Variants in SPNS2 observed in about 807,000 individuals in gnomAD.
SPNS2 encodes SPNS lysolipid transporter 2, sphingosine-1-phosphate, also known as sphingosine-1-phosphate transporter SPNS2.
Under a neutral mutation model 57.6 loss-of-function variants are expected in SPNS2, and 37 were observed. That is an observed-to-expected ratio of 0.64 (90% CI 0.49 to 0.85). SPNS2 has a LOEUF of 0.85. SPNS2 is among the 40% of genes least tolerant of loss of function. SPNS2 has a pLI of 0.00. For missense variants in SPNS2, 831 were observed against 779.1 expected, an observed-to-expected ratio of 1.07 and a Z score of -0.79; for synonymous variants, 440 against 346.9, an observed-to-expected ratio of 1.27 and a Z score of -2.98.
At position 4,536,435 on chromosome 17, in the gene SPNS2, G is replaced by GGC. The variant is rs762501131; in HGVS notation, c.1607+10_1607+11insCG. The GGC allele has an allele frequency of 1.4e-5, 22 of 1,592,040 alleles. No homozygotes were observed. Among genetic ancestry groups the GGC allele is most frequent in the South Asian group, 2.2e-5 (2 of 90,536 alleles). On this transcript the variant is annotated intron_variant, in intron 11 of 12. Coordinates refer to ENST00000329078, the MANE Select transcript of SPNS2 (RefSeq NM_001124758.3). The stretch of plus-strand genomic sequence containing the variant: ...GCCAGGGCTGAGCAGCAGTGAGTGG[G>GGC]GGGGAGGGGAGGCCCTGCTGCACCG...
In SPNS2 at chr17:4,511,232, A is replaced by AG. The variant is rs1007904499; in HGVS notation, c.371-2012dup. The stretch of plus-strand genomic sequence containing the variant: ...AAGAGTGGGGGCAACTAACTTATTG[A>AG]GGGTGGTGGGAGGGGAGCAAGCAGG... On this transcript the variant is annotated intron_variant, in intron 1 of 12. Transcript: ENST00000329078. This position sits in a 1 kb window ranked among gnomAD's most constrained non-coding sequence, Gnocchi z 4.6. Among the ~76,000 whole-genome samples the AG allele has an allele frequency of 2.0e-5, 3 of 152,014 alleles. No individual in the cohort carries two copies. The highest frequency in any genetic ancestry group is 7.2e-5 in the African/African-American group (3 of 41,382).
intron 2 of SPNS2, among the ~76,000 whole-genome samples, chr17:4,522,070 A>G (rs1905153157): frequency 6.6e-6 from 1 of 152,238 alleles, no homozygotes; most frequent in South Asian, 2.1e-4. Flanking sequence ...GTGGTGGCAG[A>G]TGCCTATAAT....
chr17:4,513,132 G>A, intron 1 of SPNS2, 115 bp from the exon 2 acceptor site: 2 of 1,144,050 alleles, frequency 1.7e-6, no homozygotes, highest in Non-Finnish European at 2.6e-6. Flanking sequence ...AGCAGAGCAG[G>A]AGTGCCGCAG....
Position 4,536,463 on chromosome 17 carries a change from G to A in SPNS2, c.1607+37G>A, listed in dbSNP as rs186412139. 2.8e-4 allele frequency: 444 copies of A among 1,574,752 alleles called. No homozygotes were observed. In the African/African-American group the frequency reaches 3.6e-3, roughly 13 times the overall value. Reference sequence around the variant, plus strand: ...GGAGGGGAGGCCCTGCTGCACCGCCGGGAAGCAGGGACCGTGATAGCCACC... The same window carrying A: ...GGAGGGGAGGCCCTGCTGCACCGCCAGGAAGCAGGGACCGTGATAGCCACC... On this transcript the variant is annotated intron_variant, in intron 11 of 12. Transcript: ENST00000329078.
At chr17:4,530,855 C>T (rs1345057713) in intron 4 of SPNS2, 72 bp downstream of exon 4, 2 of 1,560,594 alleles carry the variant, frequency 1.3e-6, no homozygotes, top group Non-Finnish European at 1.7e-6. Flanking sequence ...AGTTCTCCCA[C>T]TCCCTGGGGT....
At chr17:4,535,329 GCCTGCCTCA>G (rs1050306755) in intron 9 of SPNS2, among the ~76,000 whole-genome samples, 12 of 152,324 alleles carry the variant, frequency 7.9e-5, no homozygotes, top group African/African-American at 2.4e-4. Flanking sequence ...GCAGGCAGGG[GCCTGCCTCA>G]CCAGCTCCTG....
In SPNS2 at chr17:4,537,797, C is replaced by G. The variant is rs912731965; in HGVS notation, c.*349C>G. ...GTGATCTTGGGCAAGTCCCTGCCCT[C>G]CCTGGAACGAAGGGCCAGGGGGCTG... On this transcript the variant is annotated 3_prime_UTR_variant, in exon 13 of 13. Coordinates refer to ENST00000329078, the MANE Select transcript of SPNS2 (RefSeq NM_001124758.3). 1 of 455,686 alleles carries G rather than the reference C, an allele frequency of 2.2e-6. No homozygotes were observed. The allele number at this position is 455,686 out of a possible 1,614,324, so 28.2% of individuals were successfully genotyped here. A position where few individuals can be genotyped will look rare whatever the true frequency, so the allele number is the denominator to read the frequency against.
At chr17:4,523,811 C>T (rs1905200152) in intron 2 of SPNS2, among the ~76,000 whole-genome samples, 2 of 152,328 alleles carry the variant, frequency 1.3e-5, no homozygotes, top group East Asian at 3.9e-4. Flanking sequence ...TTCAGCCCCT[C>T]CCACCCTCTG....
chr17:4,500,207 T>G (rs1904438254), intron 1 of SPNS2, among the ~76,000 whole-genome samples: 2 of 152,212 alleles, frequency 1.3e-5, no homozygotes, highest in African/African-American at 4.8e-5. Context: ...TTGGGATCGA[T>G]AGAACAACTG....
intron 9 of SPNS2, among the ~76,000 whole-genome samples, chr17:4,534,120 A>T (rs1392268159): frequency 1.3e-5 from 2 of 152,124 alleles, no homozygotes; most frequent in African/African-American, 4.8e-5. Flanking sequence ...AGTGGCTGGG[A>T]GGCTGGCGGT....
intron 6 of SPNS2, 109 bp from the exon 7 acceptor site, chr17:4,532,840 TCCTGCAGCCTGAACCCTCACCCCTGGAG>T (rs1905555795): frequency 1.4e-6 from 2 of 1,459,902 alleles, no homozygotes; most frequent in African/African-American, 2.8e-5. Flanking sequence ...AATCGATTAT[TCCTGCAGCCTGAACCCTCACCCCTGGAG>T]CCTGTAAGAC....
At chr17:4,508,152 G>A (rs567213304) in intron 1 of SPNS2, among the ~76,000 whole-genome samples, 1 of 152,190 alleles carries the variant, frequency 6.6e-6, no homozygotes, top group Admixed American at 6.5e-5. Context: ...GGAGAGAGGC[G>A]CAGGTATCCT....
At position 4,499,100 on chromosome 17, in the gene SPNS2, A is replaced by AGGC. The variant is rs1305202640; in HGVS notation, c.56_58dup (p.Ala19dup). The AGGC allele has an allele frequency of 1.9e-6, 2 of 1,072,454 alleles. No individual in the cohort carries two copies. The highest frequency in any genetic ancestry group is 2.3e-6 in the Non-Finnish European group (2 of 887,948). 66.4% of individuals were successfully genotyped at this position (1,072,454 alleles called of 1,614,324 possible). ...GCGGCGGGCGGCGCGGAGGAGGAGG[A>AGGC]GGCGGACGCGGAGCGGCGGCGCCGG... On this transcript the variant is annotated inframe_insertion, in exon 1 of 13. Coordinates refer to ENST00000329078, the MANE Select transcript of SPNS2 (RefSeq NM_001124758.3). The surrounding 1 kb of genome is among the most constrained non-coding windows in gnomAD (Gnocchi z 5.2).
chr17:4,499,313 C>T lies in SPNS2; in HGVS notation c.266C>T (p.Ala89Val), dbSNP rs1046046379. 2 of 1,496,146 alleles carry T rather than the reference C, an allele frequency of 1.3e-6. No individual in the cohort carries two copies. The highest frequency in any genetic ancestry group is 8.9e-7 in the Non-Finnish European group (1 of 1,129,558). 92.7% of individuals were successfully genotyped at this position (1,496,146 alleles called of 1,614,324 possible). ...GCAATAKGPG[A>V]QQPKPASLGR... ...GCAGCTACTGCAAAGGGCCCCGGCG[C>T]TCAGCAGCCCAAACCGGCCAGCTTG... Residue 89 changes from alanine to valine, a missense_variant, in exon 1 of 13, where the codon GCT becomes GTT. Physicochemically the swap from Ala to Val is moderately conservative, Grantham distance 64 (BLOSUM62 0). Coordinates refer to ENST00000329078, the MANE Select transcript of SPNS2 (RefSeq NM_001124758.3). The surrounding 1 kb of genome is among the most constrained non-coding windows in gnomAD (Gnocchi z 5.2).
chr17:4,535,732 A>C lies in SPNS2; in HGVS notation c.1345-344A>C, dbSNP rs538894460. 7.9e-5 allele frequency among the ~76,000 whole-genome samples: 12 copies of C among 152,156 alleles called. No homozygotes were observed. The East Asian group carries it at 2.1e-3, about 27-fold the overall frequency. The stretch of plus-strand genomic sequence containing the variant: ...AATTTCAGAGGGGTGTGCTGGGGGC[A>C]CAGCAGGTTTGAGGCCAATGACGCT... On this transcript the variant is annotated intron_variant, in intron 9 of 12. Coordinates refer to ENST00000329078, the MANE Select transcript of SPNS2 (RefSeq NM_001124758.3).
intron 9 of SPNS2, 58 bp downstream of exon 9, chr17:4,533,911 A>C: frequency 8.0e-6 from 7 of 878,906 alleles, no homozygotes; most frequent in African/African-American, 1.6e-5. Context: ...TTGACCTCAC[A>C]GGGGTGCCTG....
intron 1 of SPNS2, among the ~76,000 whole-genome samples, chr17:4,505,387 C>T (rs996706037): frequency 3.3e-5 from 5 of 152,150 alleles, no homozygotes; most frequent in Admixed American, 6.5e-5. Flanking sequence ...AGGGTTTCTC[C>T]GACAGTGGCT....
rs922543628 is a variant in SPNS2 at position 4,511,713 on chromosome 17, C to T, written c.371-1534C>T. Among the ~76,000 whole-genome samples the T allele has an allele frequency of 1.2e-4, 18 of 152,206 alleles. No individual in the cohort carries two copies. Among genetic ancestry groups the T allele is most frequent in the Non-Finnish European group, 2.1e-4 (14 of 68,036 alleles). ...TGGGCCTCACACAGCCTCTTCATTA[C>T]GGGTAATTATGGTCAACCCACTCAG... is the stretch of plus-strand genomic sequence containing the variant. On this transcript the variant is annotated intron_variant, in intron 1 of 12. Transcript: ENST00000329078. This position sits in a 1 kb window ranked among gnomAD's most constrained non-coding sequence, Gnocchi z 4.6.
chr17:4,533,838 T>C lies in SPNS2; in HGVS notation c.1329T>C (p.Thr443=). Residue 443 remains threonine (T), a synonymous_variant, in exon 9 of 13, where the codon ACT becomes ACC. Transcript: ENST00000329078. ...ETLLFSNWAI[T]ADILMYVVIP... ...TGCTGTTTTCTAACTGGGCCATCAC[T>C]GCAGACATCCTCATGGTGAGCCAGG... 2 of 1,613,010 alleles carry C rather than the reference T, an allele frequency of 1.2e-6. No homozygotes were observed. Among genetic ancestry groups the C allele is most frequent in the Non-Finnish European group, 8.5e-7 (1 of 1,179,756 alleles).
Sources: allele counts gnomAD v4.1 joint callset (sites outside exome capture counted in the v4.1 genomes callset), GRCh38; gene constraint gnomAD v4.1.1; non-coding constraint Gnocchi (gnomAD v3.1); transcripts MANE v1.5; gene names NCBI Gene and HGNC (gene_info 2026-07-23, HGNC 2026-07-21).